The following GANC variants were observed in gnomAD, a reference collection of about 807,000 sequenced individuals.
GANC encodes the protein glucosidase alpha, neutral C.
GANC carries 117 observed loss-of-function variants against 124.2 expected under a neutral mutation model. That is an observed-to-expected ratio of 0.94 (90% CI 0.81 to 1.10). The LOEUF is 1.10. Ranked by LOEUF, GANC falls within the 50% of genes least tolerant of loss-of-function variation. GANC has a pLI of 0.00. For synonymous variants in GANC, 377 were observed against 376.8 expected (o/e 1.00, Z -0.01); for missense variants, 1,140 against 1,095.0 (o/e 1.04, Z -0.58).
chr15:42,299,996 A>C (rs2051930277), intron 6 of GANC, among the ~76,000 whole-genome samples: 1 of 152,212 alleles, frequency 6.6e-6, no homozygotes, highest in Non-Finnish European at 1.5e-5. Context: ...TGTAAAACCC[A>C]AAACCATAAA....
rs1284342997 is a variant in GANC, at chr15:42,343,092, G to T, written c.2167G>T (p.Val723Phe). Residue 723 changes from valine (V) to phenylalanine (F), a missense_variant, in exon 19 of 24, where the codon GTT (valine) becomes TTT (phenylalanine). Coordinates refer to ENST00000318010, the MANE Select transcript of GANC (RefSeq NM_198141.3). The stretch of plus-strand genomic sequence containing the variant: ...CCATTACTTAGGGAGTGCATTATTG[G>T]TTCATCCAGTCACAGAACCAAAAGC... ...DEYMLGSALL[V>F]HPVTEPKATT... 2 of 1,613,740 alleles carry T rather than the reference G, an allele frequency of 1.2e-6. No individual in the cohort carries two copies. Among genetic ancestry groups the T allele is most frequent in the African/African-American group, 1.3e-5 (1 of 74,888 alleles).
intron 10 of GANC, among the ~76,000 whole-genome samples, chr15:42,317,146 G>A (rs1264851320): frequency 6.6e-6 from 1 of 152,054 alleles, no homozygotes; most frequent in African/African-American, 2.4e-5. Context: ...ACACATGATA[G>A]CCAAAAGGTA....
chr15:42,338,345 T>A (rs769992506), intron 15 of GANC, 44 bp from the exon 16 acceptor site: 4 of 1,356,046 alleles, frequency 2.9e-6, no homozygotes, highest in Non-Finnish European at 3.1e-6. Flanking sequence ...ATTGAACGCA[T>A]GGGTTGATTT....
chr15:42,278,641 G>C, intron 3 of GANC, 51 bp downstream of exon 3: 1 of 1,307,480 alleles, frequency 7.6e-7, no homozygotes, highest in Non-Finnish European at 1.1e-6. Flanking sequence ...GTATTTATTG[G>C]GCCTGAATGA....
At chr15:42,332,214 G>A (rs2052251842) in intron 15 of GANC, among the ~76,000 whole-genome samples, 1 of 152,094 alleles carries the variant, frequency 6.6e-6, no homozygotes, top group South Asian at 2.1e-4. Flanking sequence ...TGGGTAGATA[G>A]GCAGACAGTT....
At chr15:42,288,411 T>C (rs961877122) in intron 4 of GANC, among the ~76,000 whole-genome samples, 2 of 152,206 alleles carry the variant, frequency 1.3e-5, no homozygotes, top group Admixed American at 1.3e-4. Flanking sequence ...CATAACACTT[T>C]CCAGTGATAT....
In GANC at chr15:42,274,501, A is replaced by G. The variant is rs1184475915; in HGVS notation, c.20A>G (p.Glu7Gly). 1 of 1,610,330 alleles carries G rather than the reference A, an allele frequency of 6.2e-7. No homozygotes were observed. Among genetic ancestry groups the G allele is most frequent in the Admixed American group, 1.7e-5 (1 of 59,540 alleles). Reference sequence around the variant, plus strand: ...GAAGCCATGGAAGCAGCAGTGAAAGAGGAAATAAGGTAAAGGCCAAGTGCT... The same window carrying G: ...GAAGCCATGGAAGCAGCAGTGAAAGGGGAAATAAGGTAAAGGCCAAGTGCT... Reference protein sequence around the residue: MEAAVKEEISLEDEAVD... With the variant: MEAAVKGEISLEDEAVD... Residue 7 changes from glutamate (E) to glycine (G), a missense_variant, in exon 1 of 24, where the codon GAG (glutamate) becomes GGG (glycine). Transcript: ENST00000318010.
chr15:42,278,741 C>T (rs2051701744), intron 3 of GANC, 151 bp downstream of exon 3: 2 of 568,520 alleles, frequency 3.5e-6, no homozygotes, highest in East Asian at 6.9e-5. Context: ...CGCCTGTAAT[C>T]CCAGCACTCT....
At chr15:42,280,829 C>T (rs1046900036) in intron 3 of GANC, 14 of 642,512 alleles carry the variant, frequency 2.2e-5, no homozygotes, top group Admixed American at 1.5e-4. Flanking sequence ...TACCAGTTTG[C>T]GGTGGACACC....
chr15:42,329,072 C>T (rs2052219888), intron 13 of GANC, among the ~76,000 whole-genome samples: 1 of 152,154 alleles, frequency 6.6e-6, no homozygotes, highest in African/African-American at 2.4e-5. Flanking sequence ...TTTTATTCAG[C>T]AGCAAATATT....
Position 42,321,828 on chromosome 15 carries a change from G to A in GANC, c.1101G>A (p.Gln367=), listed in dbSNP as rs749527332. The A allele has an allele frequency of 5.0e-6, 8 of 1,614,104 alleles. No homozygotes were observed. Among genetic ancestry groups the A allele is most frequent in the African/African-American group, 4.0e-5 (3 of 74,944 alleles). Residue 367 remains glutamine (Q), a synonymous_variant, in exon 11 of 24, where the codon CAG becomes CAA. Transcript: ENST00000318010. The stretch of plus-strand genomic sequence containing the variant: ...CTCTTTTCTCTTTGGGATACCACCA[G>A]TGCCGCTGGAACTATGAAGATGAGC... ...MPPLFSLGYH[Q]CRWNYEDEQD...
intron 1 of GANC, among the ~76,000 whole-genome samples, chr15:42,275,075 T>G (rs1461241065): frequency 6.6e-6 from 1 of 151,978 alleles, no homozygotes; most frequent in Non-Finnish European, 1.5e-5. Context: ...CCAATCTTTG[T>G]ACACTTGATT....
At chr15:42,320,555 TCTC>T (rs2052147445) in intron 10 of GANC, among the ~76,000 whole-genome samples, 1 of 152,114 alleles carries the variant, frequency 6.6e-6, no homozygotes, top group Non-Finnish European at 1.5e-5. Flanking sequence ...TTCAAGCAGT[TCTC>T]CTGCCTCAGC....
chr15:42,290,748 C>T (rs2051833255), intron 4 of GANC, among the ~76,000 whole-genome samples: 2 of 152,124 alleles, frequency 1.3e-5, no homozygotes, highest in Non-Finnish European at 2.9e-5. Context: ...TTTAAGGCTG[C>T]AGTGAACTAT....
At position 42,351,833 on chromosome 15, in the gene GANC, A is replaced by G. The variant is rs574512917; in HGVS notation, c.2636-197A>G. Among the ~76,000 whole-genome samples, 7 of 152,290 alleles carry G rather than the reference A, an allele frequency of 4.6e-5. No individual in the cohort carries two copies. The South Asian group carries it at 1.0e-3, about 23-fold the overall frequency. On this transcript the variant is annotated intron_variant, in intron 23 of 23. Coordinates refer to ENST00000318010, the MANE Select transcript of GANC (RefSeq NM_198141.3). ...ATTCATTCCTTACGGTTTCTTTTCA[A>G]CCAATCTTGCGGTCAAAACAATGAA...
chr15:42,286,014 T>G (rs915247253), intron 3 of GANC, among the ~76,000 whole-genome samples: 21 of 152,180 alleles, frequency 1.4e-4, no homozygotes, highest in Non-Finnish European at 2.1e-4. Context: ...AAATTAGTTT[T>G]TTTTTTTTTG....
intron 3 of GANC, among the ~76,000 whole-genome samples, chr15:42,284,832 A>G (rs779624273): frequency 3.3e-5 from 5 of 152,176 alleles, no homozygotes; most frequent in Non-Finnish European, 4.4e-5. Flanking sequence ...AAGGGAGCAA[A>G]ACACATGCTC....
intron 15 of GANC, among the ~76,000 whole-genome samples, chr15:42,338,104 T>G (rs2052297331): frequency 6.6e-6 from 1 of 152,068 alleles, no homozygotes; most frequent in African/African-American, 2.4e-5. Flanking sequence ...AAGTTAAATC[T>G]TAAAGTTGAT....
intron 18 of GANC, among the ~76,000 whole-genome samples, chr15:42,342,600 AAAAAG>A (rs2052335773): frequency 3.3e-5 from 5 of 151,908 alleles, no homozygotes; most frequent in African/African-American, 9.7e-5. Flanking sequence ...AAGGAAAAAA[AAAAAG>A]AAAAAGAAAA....
Sources: gnomAD v4.1 joint callset for allele counts (sites outside exome capture counted in the v4.1 genomes callset) on GRCh38, gnomAD v4.1.1 for gene constraint, MANE v1.5 for transcripts, NCBI Gene and HGNC (gene_info 2026-07-23, HGNC 2026-07-21) for gene names.